GEMIN5: variants seen among roughly 807,000 people sequenced by gnomAD.
GEMIN5 encodes gem nuclear organelle associated protein 5.
GEMIN5 carries 124 observed loss-of-function variants against 176.9 expected under a neutral mutation model. The ratio of observed to expected loss-of-function variants is 0.70; its 90% CI spans 0.61 to 0.81. GEMIN5 has a LOEUF of 0.81. Among genes scored for constraint, GEMIN5 ranks in the 40% least tolerant of loss-of-function variants. The pLI, the probability that GEMIN5 is intolerant of heterozygous loss-of-function variation, is 0.00. For missense variants in GEMIN5, 1,843 were observed against 1,814.6 expected (o/e 1.02, Z -0.28); for synonymous variants, 673 against 665.2 (o/e 1.01, Z -0.18).
chr5:154,888,715 C>A (rs922893834), intron 27 of GEMIN5, among the ~76,000 whole-genome samples: 1 of 152,166 alleles, frequency 6.6e-6, no homozygotes, highest in African/African-American at 2.4e-5. Context: ...ATACATGGCA[C>A]CAATTTAAAT....
intron 14 of GEMIN5, 62 bp from the exon 15 acceptor site, chr5:154,911,960 T>C: frequency 6.9e-7 from 1 of 1,451,106 alleles, no homozygotes; most frequent in Non-Finnish European, 9.3e-7. Flanking sequence ...TTGGGCAGTA[T>C]GTTTTCTAAT....
At chr5:154,894,548 A>C (rs1278808152) in intron 24 of GEMIN5, among the ~76,000 whole-genome samples, 2 of 152,140 alleles carry the variant, frequency 1.3e-5, no homozygotes, top group Non-Finnish European at 2.9e-5. Context: ...AGGCAGGTGG[A>C]TCACATGAGG....
rs755315697 is a variant in GEMIN5 at position 154,921,312 on chromosome 5, A to C, written c.1462+31T>G. On this transcript the variant is annotated intron_variant, in intron 10 of 27. Transcript: ENST00000285873. ...ATTAAACTGAAGGAAGAATACTCTC[A>C]TATTTGTTATGGAATTGTTCAGATA... 7.6e-6 allele frequency: 7 copies of C among 919,002 alleles called. No homozygotes were observed. In the Admixed American group the frequency reaches 1.1e-4, roughly 14 times the overall value. 56.9% of individuals were successfully genotyped at this position (919,002 alleles called of 1,614,324 possible). A position where few individuals can be genotyped will look rare whatever the true frequency, so the allele number is the denominator to read the frequency against.
intron 15 of GEMIN5, among the ~76,000 whole-genome samples, chr5:154,909,390 C>T (rs1561717372): frequency 2.0e-5 from 3 of 152,092 alleles, no homozygotes; most frequent in South Asian, 2.1e-4. Flanking sequence ...TTTATTATAT[C>T]GGTCTGGACT....
chr5:154,911,916 T>G lies in GEMIN5; in HGVS notation c.1996-18A>C. On this transcript the variant is annotated intron_variant, in intron 14 of 27. Transcript: ENST00000285873. ...TCCCACACCTAAACCCAAAAGCACA[T>G]GGCCGAAAAGACATTTTCTGGTTAT... 1 of 1,606,378 alleles carries G rather than the reference T, an allele frequency of 6.2e-7. No homozygotes were observed.
chr5:154,901,378 T>C lies in GEMIN5; in HGVS notation c.2975A>G (p.Tyr992Cys). The change falls in exon 21 of 28, where the codon TAT becomes TGT. Residue 992 changes from tyrosine to cysteine, a missense_variant. By Grantham distance (194) the Tyr-to-Cys change is radical. Coordinates refer to ENST00000285873, the MANE Select transcript of GEMIN5 (RefSeq NM_015465.5). ...TGACTTGAGCAGCTCCACCGCTTCA[T>C]ACACTTTGTGGATGGAAAGTAGGTG... ...ASHLLSIHKV[Y>C]EAVELLKSNH... The C allele has an allele frequency of 6.2e-7, 1 of 1,614,162 alleles. No homozygotes were observed. Among genetic ancestry groups the C allele is most frequent in the Non-Finnish European group, 8.5e-7 (1 of 1,179,986 alleles).
At chr5:154,925,031 T>C (rs983933916) in intron 8 of GEMIN5, among the ~76,000 whole-genome samples, 2 of 152,010 alleles carry the variant, frequency 1.3e-5, no homozygotes, top group South Asian at 4.2e-4. Context: ...ACAAAGTCAA[T>C]GTCATCTGTA....
intron 20 of GEMIN5, 35 bp from the exon 21 acceptor site, chr5:154,901,521 T>C (rs1763465379): frequency 1.2e-6 from 2 of 1,608,828 alleles, no homozygotes; most frequent in Middle Eastern, 1.7e-4. Context: ...AAAAAAACAG[T>C]TGAAGAAAAA....
chr5:154,905,575 T>C, intron 16 of GEMIN5, 99 bp from the exon 17 acceptor site: 1 of 532,964 alleles, frequency 1.9e-6, no homozygotes, highest in South Asian at 3.0e-5. Flanking sequence ...AGCTTAGCAA[T>C]ATAATCAATT....
At chr5:154,908,163 C>A (rs1356412295) in intron 15 of GEMIN5, among the ~76,000 whole-genome samples, 1 of 146,614 alleles carries the variant, frequency 6.8e-6, no homozygotes, top group Non-Finnish European at 1.5e-5. Flanking sequence ...CCAATTTTAC[C>A]CAGATGTCCT....
Position 154,912,956 on chromosome 5 carries a change from C to T in GEMIN5, c.1938G>A (p.Ala646=), listed in dbSNP as rs369052797. ...GCCTTCCATCATGATGTGGGCTCCA[C>T]GCCACACTGGTAATCTTGGCCGTAT... is the stretch of plus-strand genomic sequence containing the variant. ...SGHTAKITSV[A]WSPHHDGRLV... The change falls in exon 14 of 28, where the codon GCG becomes GCA. Residue 646 remains alanine (A), a synonymous_variant. Coordinates refer to ENST00000285873, the MANE Select transcript of GEMIN5 (RefSeq NM_015465.5). 94 of 1,613,470 alleles carry T rather than the reference C, an allele frequency of 5.8e-5. No individual in the cohort carries two copies. Among genetic ancestry groups the T allele is most frequent in the Middle Eastern group, 3.3e-4 (2 of 6,082 alleles).
At chr5:154,892,606 T>G (rs1376653083) in intron 24 of GEMIN5, 57 bp from the exon 25 acceptor site, 4 of 1,544,630 alleles carry the variant, frequency 2.6e-6, no homozygotes, top group Non-Finnish European at 2.7e-6. Flanking sequence ...GCGCAGAGGA[T>G]GCCACCAAAC....
At chr5:154,906,934 GA>G (rs1763579593) in intron 16 of GEMIN5, among the ~76,000 whole-genome samples, 1 of 152,166 alleles carries the variant, frequency 6.6e-6, no homozygotes, top group Non-Finnish European at 1.5e-5. Flanking sequence ...CCAGGGACCA[GA>G]TATTTATCAC....
intron 16 of GEMIN5, 111 bp downstream of exon 16, chr5:154,907,480 C>A: frequency 3.4e-6 from 2 of 580,124 alleles, no homozygotes; most frequent in Non-Finnish European, 3.0e-6. Flanking sequence ...AATGCTGTTT[C>A]CAAGAGTTGG....
In GEMIN5 at chr5:154,892,367, G is replaced by T. The variant is rs749902452; in HGVS notation, c.3760+20C>A. ...GTTGTCCATTAAAGGGTGTGCCTCA[G>T]GCAGCAGGAAGTCACTTACCGTCAG... On this transcript the variant is annotated intron_variant, in intron 25 of 27. Transcript: ENST00000285873. The T allele has an allele frequency of 2.5e-6, 4 of 1,603,520 alleles. No homozygotes were observed. In the African/African-American group the frequency reaches 5.4e-5, roughly 21 times the overall value.
In GEMIN5 at chr5:154,920,083, A is replaced by G. The variant is rs755262805; in HGVS notation, c.1483T>C (p.Ser495Pro). ...MSLGGEGDRP[S>P]LALYSCGGEG... ...CCTCCACAGCTGTATAAAGCAAGGG[A>G]AGGTCTGTCTCCTTCTCCTCCTGTA... Residue 495 changes from serine (S) to proline (P), a missense_variant, in exon 11 of 28, where the codon TCC (serine) becomes CCC (proline). Transcript: ENST00000285873. 1 of 1,612,868 alleles carries G rather than the reference A, an allele frequency of 6.2e-7. No homozygotes were observed. Among genetic ancestry groups the G allele is most frequent in the South Asian group, 1.1e-5 (1 of 90,902 alleles).
At chr5:154,894,699 G>C (rs1763310922) in intron 24 of GEMIN5, among the ~76,000 whole-genome samples, 2 of 152,104 alleles carry the variant, frequency 1.3e-5, no homozygotes, top group Non-Finnish European at 2.9e-5. Flanking sequence ...GAGGTCAGGA[G>C]TTCGAGACCA....
At chr5:154,895,286 G>A in intron 24 of GEMIN5, among the ~76,000 whole-genome samples, 1 of 149,176 alleles carries the variant, frequency 6.7e-6, no homozygotes, top group East Asian at 2.0e-4. Context: ...AGGATCACTT[G>A]AGGAATTCGA....
intron 19 of GEMIN5, 51 bp downstream of exon 19, chr5:154,903,029 G>A (rs1246499167): frequency 8.4e-7 from 1 of 1,184,566 alleles, no homozygotes; most frequent in Non-Finnish European, 1.2e-6. Context: ...CACACAAAAT[G>A]TTGGGAAAGT....
Sources: gnomAD v4.1 joint callset for allele counts (sites outside exome capture counted in the v4.1 genomes callset) on GRCh38, gnomAD v4.1.1 for gene constraint, MANE v1.5 for transcripts, NCBI Gene and HGNC (gene_info 2026-07-23, HGNC 2026-07-21) for gene names.